CDCA2: variants seen among roughly 807,000 people sequenced by gnomAD.
The protein encoded by CDCA2 is cell division cycle-associated protein 2.
In CDCA2, 44 loss-of-function variants were observed where a neutral mutation model predicts 67.0. That is an observed-to-expected ratio of 0.66 (90% CI 0.52 to 0.84). The LOEUF is 0.84. CDCA2 is among the 40% of genes least tolerant of loss of function. The probability of loss-of-function intolerance (pLI) is 0.00; values close to 1 mark genes in which losing one functional copy is unlikely to be tolerated. For missense variants in CDCA2, 1,253 were observed against 1,203.2 expected (o/e 1.04, Z -0.61); for synonymous variants, 447 against 418.7 (o/e 1.07, Z -0.82).
rs535336577 is a variant in CDCA2, at chr8:25,475,858, C to A, written c.821-4055C>A. 7.2e-5 allele frequency among the ~76,000 whole-genome samples: 11 copies of A among 152,280 alleles called. No homozygotes were observed. In the South Asian group the frequency reaches 2.1e-3, roughly 29 times the overall value. On this transcript the variant is annotated intron_variant, in intron 7 of 14. Transcript: ENST00000330560. ...CACGTTCTTTGTTTTTATCTGCCCC[C>A]CAGTGGCCCAGCCTTGCCAGTACTC...
chr8:25,504,411 A>G (rs1269691651), intron 14 of CDCA2, among the ~76,000 whole-genome samples: 22 of 152,078 alleles, frequency 1.4e-4, no homozygotes, highest in Non-Finnish European at 1.2e-4. Flanking sequence ...TATTACAGGC[A>G]AGAGCCACGC....
rs1803641912 is a variant in CDCA2 at position 25,483,362 on chromosome 8, A to G, written c.1033-37A>G. 6 of 1,354,680 alleles carry G rather than the reference A, an allele frequency of 4.4e-6. No homozygotes were observed. The South Asian group carries it at 5.6e-5, about 13-fold the overall frequency. 83.9% of individuals were successfully genotyped at this position (1,354,680 alleles called of 1,614,324 possible). A position where few individuals can be genotyped will look rare whatever the true frequency, so the allele number is the denominator to read the frequency against. Reference sequence around the variant, plus strand: ...TTAATGATGACGTCTATGTATTTCTATATGTAAAATTATTCATTAATGTTT... The same window carrying G: ...TTAATGATGACGTCTATGTATTTCTGTATGTAAAATTATTCATTAATGTTT... On this transcript the variant is annotated intron_variant, in intron 8 of 14. Coordinates refer to ENST00000330560, the MANE Select transcript of CDCA2 (RefSeq NM_152562.4).
rs148710127 is a variant in CDCA2, at chr8:25,480,420, A to G, written c.1032+296A>G. Among the ~76,000 whole-genome samples the G allele has an allele frequency of 7.1e-4, 108 of 152,264 alleles. 1 individual carries two copies. Among genetic ancestry groups the G allele is most frequent in the African/African-American group, 2.5e-3 (105 of 41,578 alleles). On this transcript the variant is annotated intron_variant, in intron 8 of 14. Transcript: ENST00000330560. ...TATTGCACTAACATAATTATATGTT[A>G]TTGATTCATTTTATATAATTATATA...
chr8:25,460,575 G>C (rs763000588), intron 3 of CDCA2, 21 bp downstream of exon 3: 1 of 1,593,020 alleles, frequency 6.3e-7, no homozygotes, highest in Non-Finnish European at 8.5e-7. Flanking sequence ...TTGTCATTCT[G>C]TTGTAATGCT....
Position 25,488,551 on chromosome 8 carries a change from G to A in CDCA2, c.1534-1G>A. The stretch of plus-strand genomic sequence containing the variant: ...TATCCTACTTTACACTTTCTTTATA[G>A]CAATTGGTCAGTGTTGTAGAAGAGA... On this transcript the variant is annotated splice_acceptor_variant, in intron 12 of 14. Coordinates refer to ENST00000330560, the MANE Select transcript of CDCA2 (RefSeq NM_152562.4). LOFTEE classifies it high-confidence loss of function. 1 of 1,598,550 alleles carries A rather than the reference G, an allele frequency of 6.3e-7. No homozygotes were observed. Among genetic ancestry groups the A allele is most frequent in the African/African-American group, 1.4e-5 (1 of 74,042 alleles).
At chr8:25,492,877 T>C (rs902516210) in intron 13 of CDCA2, among the ~76,000 whole-genome samples, 2 of 152,216 alleles carry the variant, frequency 1.3e-5, no homozygotes, top group Non-Finnish European at 2.9e-5. Flanking sequence ...GGGCTAATGG[T>C]GTGCTGGTAA....
At chr8:25,461,687 G>C (rs1222251824) in intron 3 of CDCA2, among the ~76,000 whole-genome samples, 1 of 152,138 alleles carries the variant, frequency 6.6e-6, no homozygotes, top group African/African-American at 2.4e-5. Flanking sequence ...TTACCTTTCA[G>C]TTGCTGGGGA....
At chr8:25,495,960 A>G (rs1382566799) in intron 13 of CDCA2, among the ~76,000 whole-genome samples, 1 of 152,218 alleles carries the variant, frequency 6.6e-6, no homozygotes, top group African/African-American at 2.4e-5. Flanking sequence ...TTCCATTTAA[A>G]AGAATTGTCC....
chr8:25,475,010 A>T (rs1803290584), intron 7 of CDCA2, among the ~76,000 whole-genome samples: 1 of 152,190 alleles, frequency 6.6e-6, no homozygotes, highest in South Asian at 2.1e-4. Flanking sequence ...GGGAAGACTT[A>T]GTGACAGCAC....
intron 7 of CDCA2, among the ~76,000 whole-genome samples, chr8:25,477,993 C>A (rs1295070872): frequency 3.4e-5 from 5 of 146,662 alleles, no homozygotes; most frequent in Non-Finnish European, 5.9e-5. Flanking sequence ...GTGGTGTGAT[C>A]TTGGCTCACT....
chr8:25,468,325 A>T lies in CDCA2; in HGVS notation c.647A>T (p.Asp216Val), dbSNP rs1298345993. The change falls in exon 6 of 15, where the codon GAT (aspartate) becomes GTT (valine). Residue 216 changes from aspartate (D) to valine (V), a missense_variant. By Grantham distance (152) the Asp-to-Val change is radical. Coordinates refer to ENST00000330560, the MANE Select transcript of CDCA2 (RefSeq NM_152562.4). ...YQRDSDENLT[D>V]AEGKVIGLQI... ...AGAGACTCTGATGAAAATCTGACGG[A>T]TGCTGAAGGAAAAGTAATTGGTCTC... 2 of 1,613,832 alleles carry T rather than the reference A, an allele frequency of 1.2e-6. No individual in the cohort carries two copies. The highest frequency in any genetic ancestry group is 1.7e-6 in the Non-Finnish European group (2 of 1,179,904).
chr8:25,483,915 A>T, intron 9 of CDCA2, 51 bp from the exon 10 acceptor site: 1 of 1,511,146 alleles, frequency 6.6e-7, no homozygotes, highest in Non-Finnish European at 9.1e-7. Flanking sequence ...CCTTTTAGAT[A>T]AGAAATATAG....
Position 25,506,625 on chromosome 8 carries a change from A to G in CDCA2, c.1959A>G (p.Lys653=). ...PDLHMHQGYD[K]YDVSEFCSYI... is the part of the protein sequence containing the mutation. ...TGCATATGCATCAAGGCTATGATAA[A>G]TATGATGTCTCTGAATTCTGCTCTT... The change falls in exon 15 of 15, where the codon AAA becomes AAG. Residue 653 remains lysine, a synonymous_variant. Coordinates refer to ENST00000330560, the MANE Select transcript of CDCA2 (RefSeq NM_152562.4). 1 of 1,613,456 alleles carries G rather than the reference A, an allele frequency of 6.2e-7. No individual in the cohort carries two copies. Among genetic ancestry groups the G allele is most frequent in the Non-Finnish European group, 8.5e-7 (1 of 1,179,910 alleles).
At chr8:25,503,243 A>T in intron 13 of CDCA2, 130 bp from the exon 14 acceptor site, 1 of 681,884 alleles carries the variant, frequency 1.5e-6, no homozygotes, top group Non-Finnish European at 2.5e-6. Flanking sequence ...AGATTGTGCC[A>T]CTGCACTCCA....
In CDCA2 at chr8:25,462,213, G is replaced by T; in HGVS notation, c.387+5G>T. On this transcript the variant is annotated splice_donor_5th_base_variant and intron_variant, in intron 4 of 14. Transcript: ENST00000330560. ...GCACAAGATTCTCCTTCCCAGGTAT[G>T]ATTTTCTTCTAAGTTCTGTCGTGAA... is the stretch of plus-strand genomic sequence containing the variant. The T allele has an allele frequency of 1.2e-6, 2 of 1,613,618 alleles. No individual in the cohort carries two copies. The highest frequency in any genetic ancestry group is 1.7e-6 in the Non-Finnish European group (2 of 1,179,584).
At chr8:25,489,913 A>G (rs1205266645) in intron 13 of CDCA2, among the ~76,000 whole-genome samples, 3 of 152,328 alleles carry the variant, frequency 2.0e-5, no homozygotes, top group East Asian at 3.9e-4. Context: ...TAACCATGCT[A>G]TGTCAAAATC....
At position 25,507,521 on chromosome 8, in the gene CDCA2, C is replaced by T. The variant is rs1195328948; in HGVS notation, c.2855C>T (p.Pro952Leu). The part of the protein sequence containing the change: ...VSSRQKPQMA[P>L]PVSDPENSQG... ...TCCAGACAAAAACCGCAGATGGCAC[C>T]TCCCGTCTCAGATCCAGAAAACAGC... is the stretch of plus-strand genomic sequence containing the variant. The change falls in exon 15 of 15, where the codon CCT (proline) becomes CTT (leucine). Residue 952 changes from proline (P) to leucine (L), a missense_variant. Transcript: ENST00000330560. 4 of 1,613,704 alleles carry T rather than the reference C, an allele frequency of 2.5e-6. No individual in the cohort carries two copies. Among genetic ancestry groups the T allele is most frequent in the East Asian group, 2.2e-5 (1 of 44,896 alleles).
chr8:25,475,350 C>A (rs1206581652), intron 7 of CDCA2, among the ~76,000 whole-genome samples: 1 of 152,114 alleles, frequency 6.6e-6, no homozygotes, highest in Admixed American at 6.5e-5. Flanking sequence ...GAAATCCCGG[C>A]TCTACTAAAA....
chr8:25,482,859 C>T (rs1166602456), intron 8 of CDCA2, among the ~76,000 whole-genome samples: 1 of 152,066 alleles, frequency 6.6e-6, no homozygotes, highest in Non-Finnish European at 1.5e-5. Flanking sequence ...TAGAGCCAGA[C>T]CTTGTCTCAA....
Sources: gnomAD v4.1 joint callset for allele counts (sites outside exome capture counted in the v4.1 genomes callset) on GRCh38, gnomAD v4.1.1 for gene constraint, MANE v1.5 for transcripts, NCBI Gene and HGNC (gene_info 2026-07-23, HGNC 2026-07-21) for gene names.